SYTL2: variants seen among roughly 807,000 people sequenced by gnomAD.
SYTL2 encodes the protein synaptotagmin like 2.
In SYTL2, 165 loss-of-function variants were observed where a neutral mutation model predicts 198.7. The ratio of observed to expected loss-of-function variants is 0.83; its 90% CI spans 0.73 to 0.94. SYTL2 has a LOEUF of 0.94. Ranked by LOEUF, SYTL2 falls within the 40% of genes least tolerant of loss-of-function variation. SYTL2 has a pLI of 0.00. For missense variants in SYTL2, 2,835 were observed against 2,582.8 expected (o/e 1.10, Z -2.12); for synonymous variants, 966 against 917.7 (o/e 1.05, Z -0.95).
the SYTL2 span, among the ~76,000 whole-genome samples, chr11:85,832,735 A>C: frequency 6.6e-6 from 1 of 151,240 alleles, no homozygotes; most frequent in Non-Finnish European, 1.5e-5. Flanking sequence ...CCATGCTTCT[A>C]ATCTCAGCAG....
the SYTL2 span, among the ~76,000 whole-genome samples, chr11:85,843,791 G>C: frequency 6.6e-6 from 1 of 152,146 alleles, no homozygotes; most frequent in Non-Finnish European, 1.5e-5. Context: ...GTAATCTTCA[G>C]AACAGCCCTG....
intron 2 of SYTL2, 151 bp from the exon 3 acceptor site, chr11:85,748,574 G>A (rs2153527790): frequency 1.2e-6 from 1 of 837,448 alleles, no homozygotes; most frequent in Non-Finnish European, 1.8e-6. Flanking sequence ...TGACTAACAA[G>A]TGTATGTTCA....
At chr11:85,777,725 A>C (rs906599753) in intron 1 of SYTL2, among the ~76,000 whole-genome samples, 1 of 151,262 alleles carries the variant, frequency 6.6e-6, no homozygotes, top group East Asian at 1.9e-4. Context: ...AGAGGTCCTT[A>C]ACAGAGTAGG....
rs2089290498 is a variant in SYTL2 at position 85,727,104 on chromosome 11, T to C, written c.2254A>G (p.Ile752Val). The change falls in exon 8 of 20, where the codon ATT becomes GTT. Residue 752 changes from isoleucine (I) to valine (V), a missense_variant. By Grantham distance (29) the Ile-to-Val change is conservative. This residue lies in a region of SYTL2 where 2,645 missense variants were observed against 2,381.7 expected (regional missense o/e 1.11). Coordinates refer to ENST00000359152, the MANE Select transcript of SYTL2 (RefSeq NM_206927.4). Reference sequence around the variant, plus strand: ...TTGGCAACCCCAGGTGTTGACTTAATATTCTCTGGCTCTAAGGAGGCTTTC... The same window carrying C: ...TTGGCAACCCCAGGTGTTGACTTAACATTCTCTGGCTCTAAGGAGGCTTTC... ...ILKASLEPEN[I>V]KSTPGVANNG... is the part of the protein sequence containing the mutation. 1 of 1,535,926 alleles carries C rather than the reference T, an allele frequency of 6.5e-7. No individual in the cohort carries two copies. The highest frequency in any genetic ancestry group is 1.4e-5 in the African/African-American group (1 of 73,114).
chr11:85,722,079 A>G (rs1009153481), intron 8 of SYTL2, among the ~76,000 whole-genome samples: 1 of 152,020 alleles, frequency 6.6e-6, no homozygotes, highest in Admixed American at 6.6e-5. Flanking sequence ...GTTAGAGTAT[A>G]TAAACCTAAA....
the SYTL2 span, among the ~76,000 whole-genome samples, chr11:85,823,684 T>C: frequency 8.5e-5 from 13 of 152,192 alleles, no homozygotes; most frequent in Non-Finnish European, 1.8e-4. Context: ...GCCTGGAAAT[T>C]GCCAAAATTA....
the SYTL2 span, among the ~76,000 whole-genome samples, chr11:85,840,202 G>A: frequency 6.6e-6 from 1 of 152,190 alleles, no homozygotes; most frequent in East Asian, 1.9e-4. Flanking sequence ...CTTGTCAGAT[G>A]GGTAGTTTGC....
chr11:85,715,783 T>G (rs1565896345), intron 11 of SYTL2, among the ~76,000 whole-genome samples: 1 of 152,186 alleles, frequency 6.6e-6, no homozygotes, highest in Non-Finnish European at 1.5e-5. Context: ...CTGGTAGCAG[T>G]GTAAGATTAG....
In SYTL2 at chr11:85,734,220, T is replaced by C. The variant is rs770776646; in HGVS notation, c.1109A>G (p.Glu370Gly). ...LESDRLKNGM[E>G]DAGDTEEFQS... is the part of the protein sequence containing the mutation. ...AAACTCTTCTGTGTCCCCTGCATCTTCCATTCCATTTTTCAATCTGTCAGA... is the reference window on the plus strand; with the variant it reads ...AAACTCTTCTGTGTCCCCTGCATCTCCCATTCCATTTTTCAATCTGTCAGA... The change falls in exon 7 of 20, where the codon GAA (glutamate) becomes GGA (glycine). Residue 370 changes from glutamate to glycine, a missense_variant. Glu to Gly is a moderately conservative substitution (Grantham distance 98, BLOSUM62 -2). Transcript: ENST00000359152. The C allele has an allele frequency of 1.2e-6, 2 of 1,614,204 alleles. No individual in the cohort carries two copies. Among genetic ancestry groups the C allele is most frequent in the Non-Finnish European group, 1.7e-6 (2 of 1,180,012 alleles).
In SYTL2 at chr11:85,776,970, A is replaced by G. The variant is rs567077601; in HGVS notation, c.-389-18856T>C. ...ATCAGGGCAAAAACCAGGGTGAGGT[A>G]AGACTTAACCTGAGCTTTGGACAGG... On this transcript the variant is annotated intron_variant, in intron 1 of 19. Transcript: ENST00000359152. Among the ~76,000 whole-genome samples, 11 of 152,334 alleles carry G rather than the reference A, an allele frequency of 7.2e-5. No individual in the cohort carries two copies. The South Asian group carries it at 8.3e-4, about 11-fold the overall frequency.
chr11:85,726,537 G>A lies in SYTL2; in HGVS notation c.2821C>T (p.Arg941Ter), dbSNP rs763095463. The change falls in exon 8 of 20, where the codon CGA (arginine) becomes TGA (stop). Residue 941 changes from arginine to a stop codon, truncating the protein, a stop_gained. Coordinates refer to ENST00000359152, the MANE Select transcript of SYTL2 (RefSeq NM_206927.4). LOFTEE classifies it high-confidence loss of function. ...CTGTCTTTCTCCAATGGAGCATGTC[G>A]TTCACTCCCGACATTTGAGGGAGGT... ...LQPPSNVGSERHAPLEKDRPL... is the reference protein window; with the variant it reads ...LQPPSNVGSE The A allele has an allele frequency of 1.4e-5, 22 of 1,600,804 alleles. No homozygotes were observed. Among genetic ancestry groups the A allele is most frequent in the East Asian group, 1.1e-4 (5 of 44,880 alleles).
chr11:85,735,597 A>G (rs991412875), intron 6 of SYTL2, among the ~76,000 whole-genome samples: 1 of 152,070 alleles, frequency 6.6e-6, no homozygotes, highest in African/African-American at 2.4e-5. Context: ...TTTCTACTAA[A>G]AATACAAAAA....
chr11:85,789,915 A>C (rs75977358), intron 1 of SYTL2, among the ~76,000 whole-genome samples: 4,002 of 152,256 alleles, frequency 0.026, 196 homozygotes, highest in African/African-American at 0.092. Flanking sequence ...GTGAACCAGT[A>C]TTAAATTGCC....
At chr11:85,849,084 G>A in the SYTL2 span, among the ~76,000 whole-genome samples, 3 of 152,318 alleles carry the variant, frequency 2.0e-5, no homozygotes, top group Admixed American at 6.5e-5. Flanking sequence ...GACAATGGAC[G>A]TTGGGTTAAA....
At chr11:85,753,897 G>C (rs2091702989) in intron 2 of SYTL2, among the ~76,000 whole-genome samples, 1 of 151,792 alleles carries the variant, frequency 6.6e-6, no homozygotes, top group Non-Finnish European at 1.5e-5. Context: ...ATTTCCATTT[G>C]AATGCCAGAT....
At chr11:85,737,894 C>G (rs908087290) in intron 4 of SYTL2, among the ~76,000 whole-genome samples, 2 of 152,184 alleles carry the variant, frequency 1.3e-5, no homozygotes, top group Non-Finnish European at 2.9e-5. Flanking sequence ...CCACCACACC[C>G]TTGACTGTTG....
In SYTL2 at chr11:85,712,831, C is replaced by T. The variant is rs577248602; in HGVS notation, c.5625+1582G>A. Among the ~76,000 whole-genome samples the T allele has an allele frequency of 4.6e-5, 7 of 152,206 alleles. No homozygotes were observed. In the East Asian group the frequency reaches 1.2e-3, roughly 25 times the overall value. The stretch of plus-strand genomic sequence containing the variant: ...TCCCGGGTTCAAGCAATTCCCCTGC[C>T]TTACCCTCTCAAGTAGCTGGGATTA... On this transcript the variant is annotated intron_variant, in intron 12 of 19. Transcript: ENST00000359152.
the SYTL2 span, among the ~76,000 whole-genome samples, chr11:85,842,755 T>C: frequency 3.3e-4 from 51 of 152,296 alleles, no homozygotes; most frequent in African/African-American, 9.6e-4. Flanking sequence ...AAGTCATTTA[T>C]GGTCTTAAAC....
At chr11:85,838,646 A>G in the SYTL2 span, among the ~76,000 whole-genome samples, 7 of 152,096 alleles carry the variant, frequency 4.6e-5, no homozygotes, top group African/African-American at 1.4e-4. Context: ...AAATAACCAG[A>G]TCTCAAGAGA....
Sources: allele counts gnomAD v4.1 joint callset (sites outside exome capture counted in the v4.1 genomes callset), GRCh38; gene constraint gnomAD v4.1.1; regional missense constraint gnomAD v4.1.1; transcripts MANE v1.5; gene names NCBI Gene and HGNC (gene_info 2026-07-23, HGNC 2026-07-21).